The following SNX29 variants were observed in gnomAD, a reference collection of about 807,000 sequenced individuals.
SNX29 encodes sorting nexin 29, also known as sorting nexin-29.
A neutral mutation model predicts 102.1 loss-of-function variants in SNX29; 78 were observed. The observed-to-expected ratio is 0.76, with a 90% confidence interval of 0.64 to 0.92. SNX29 has a LOEUF of 0.92. SNX29 is among the 40% of genes least tolerant of loss of function. The pLI is 0.00. For synonymous variants in SNX29, 580 were observed against 414.5 expected, an observed-to-expected ratio of 1.40 and a Z score of -4.85; for missense variants, 1,280 against 1,061.7, an observed-to-expected ratio of 1.21 and a Z score of -2.86.
intron 20 of SNX29, among the ~76,000 whole-genome samples, chr16:12,567,453 A>G (rs780821813): frequency 8.5e-5 from 13 of 152,178 alleles, no homozygotes; most frequent in African/African-American, 1.7e-4. Flanking sequence ...CCCAGAATTT[A>G]TGTGTCCCCT....
At chr16:12,206,701 C>G (rs1019334500) in intron 14 of SNX29, among the ~76,000 whole-genome samples, 19 of 152,028 alleles carry the variant, frequency 1.2e-4, no homozygotes, top group African/African-American at 4.4e-4. Flanking sequence ...TCTCTTCACC[C>G]CACAGAGCAA....
At chr16:12,497,302 C>T (rs374706601) in intron 19 of SNX29, among the ~76,000 whole-genome samples, 7 of 152,222 alleles carry the variant, frequency 4.6e-5, no homozygotes, top group Non-Finnish European at 8.8e-5. Flanking sequence ...TATTGAATAT[C>T]TATCATACAC....
At chr16:12,170,764 GGAGTGT>G (rs1373577032) in intron 13 of SNX29, among the ~76,000 whole-genome samples, 2 of 117,410 alleles carry the variant, frequency 1.7e-5, no homozygotes, top group South Asian at 2.4e-4. Flanking sequence ...GTGTGTGAGA[GGAGTGT>G]GAGTGTGTGT....
intron 19 of SNX29, among the ~76,000 whole-genome samples, chr16:12,513,686 A>G (rs2089736864): frequency 6.6e-6 from 1 of 152,212 alleles, no homozygotes. Flanking sequence ...AAGTCCCAGT[A>G]TAAAGATTAG....
At chr16:12,088,579 A>T (rs2052334529) in intron 11 of SNX29, among the ~76,000 whole-genome samples, 1 of 152,200 alleles carries the variant, frequency 6.6e-6, no homozygotes, top group African/African-American at 2.4e-5. Context: ...TTCTTTTTGA[A>T]GAAAAAAGAG....
chr16:12,398,429 C>A lies in SNX29; in HGVS notation c.1900-17C>A. ...TTATGCATTTTTTCTCCCCTCTCCC[C>A]CTTCTCCTGATGGTAGGTGCCTGGA... On this transcript the variant is annotated splice_polypyrimidine_tract_variant and intron_variant, in intron 16 of 20. Coordinates refer to ENST00000566228, the MANE Select transcript of SNX29 (RefSeq NM_032167.5). 6.2e-7 allele frequency: 1 copy of A among 1,613,896 alleles called. No individual in the cohort carries two copies. Among genetic ancestry groups the A allele is most frequent in the Non-Finnish European group, 8.5e-7 (1 of 1,179,772 alleles).
chr16:12,160,504 T>C (rs1192698338), intron 13 of SNX29, among the ~76,000 whole-genome samples: 1 of 152,206 alleles, frequency 6.6e-6, no homozygotes, highest in African/African-American at 2.4e-5. Flanking sequence ...ACATCTAGGA[T>C]AAGCAAATTT....
intron 14 of SNX29, among the ~76,000 whole-genome samples, chr16:12,217,768 G>T (rs2077364241): frequency 6.6e-6 from 1 of 152,166 alleles, no homozygotes; most frequent in Non-Finnish European, 1.5e-5. Flanking sequence ...CATTCAACTG[G>T]AATTCAGACC....
chr16:12,527,917 C>T (rs1207218794), intron 20 of SNX29, among the ~76,000 whole-genome samples: 1 of 151,284 alleles, frequency 6.6e-6, no homozygotes, highest in Non-Finnish European at 1.5e-5. Context: ...CTCTGCCTCC[C>T]AGGTTCACGC....
intron 11 of SNX29, among the ~76,000 whole-genome samples, chr16:12,123,046 T>G (rs1472243546): frequency 6.6e-6 from 1 of 152,106 alleles, no homozygotes; most frequent in Non-Finnish European, 1.5e-5. Flanking sequence ...AGGCTGGTCT[T>G]GAACTCCTGA....
At chr16:12,047,601 C>G (rs149706599) in intron 6 of SNX29, among the ~76,000 whole-genome samples, 1 of 149,350 alleles carries the variant, frequency 6.7e-6, no homozygotes, top group East Asian at 2.0e-4. Context: ...CCCCATCTTA[C>G]AGATAAGGTG....
Position 12,345,761 on chromosome 16 carries a change from C to T in SNX29, c.1783-10402C>T, listed in dbSNP as rs954933543. Among the ~76,000 whole-genome samples, 5 of 152,186 alleles carry T rather than the reference C, an allele frequency of 3.3e-5. No homozygotes were observed. In the East Asian group the frequency reaches 9.6e-4, roughly 29 times the overall value. ...GAAGGTGGGGGTGCAGCCGTATTCTCGTTCCATCCATGTCGGTCCTTCTCT... is the reference window on the plus strand; with the variant it reads ...GAAGGTGGGGGTGCAGCCGTATTCTTGTTCCATCCATGTCGGTCCTTCTCT... On this transcript the variant is annotated intron_variant, in intron 15 of 20. Transcript: ENST00000566228.
intron 9 of SNX29, among the ~76,000 whole-genome samples, chr16:12,064,681 G>T (rs1055472518): frequency 2.0e-5 from 3 of 152,230 alleles, no homozygotes; most frequent in South Asian, 2.1e-4. Context: ...TGATTGGGAC[G>T]CCAGGTTGCA....
intron 14 of SNX29, among the ~76,000 whole-genome samples, chr16:12,263,132 CTTT>C (rs541154463): frequency 5.1e-5 from 7 of 138,312 alleles, no homozygotes; most frequent in Non-Finnish European, 7.9e-5. Context: ...TGTTGTCCAC[CTTT>C]TTTTTTTTTT....
rs575357539 is a variant in SNX29 at position 12,340,508 on chromosome 16, T to C, written c.1783-15655T>C. ...GGATGGATGGATGTGGGAGACAGAA[T>C]GGGAAGAGCATGGTTTTGCATTGAA... On this transcript the variant is annotated intron_variant, in intron 15 of 20. Transcript: ENST00000566228. 2.0e-5 allele frequency among the ~76,000 whole-genome samples: 3 copies of C among 152,308 alleles called. No homozygotes were observed. The South Asian group carries it at 6.2e-4, about 32-fold the overall frequency.
chr16:12,511,601 G>C (rs1032256773), intron 19 of SNX29, among the ~76,000 whole-genome samples: 1 of 152,158 alleles, frequency 6.6e-6, no homozygotes, highest in African/African-American at 2.4e-5. Flanking sequence ...TTGCAGTGAA[G>C]TTTTGATTTA....
At chr16:12,429,656 C>G (rs1158717023) in intron 18 of SNX29, among the ~76,000 whole-genome samples, 1 of 152,226 alleles carries the variant, frequency 6.6e-6, no homozygotes. Context: ...GCACAGTGTT[C>G]CACCATCACG....
chr16:12,501,613 T>G (rs2089126685), intron 19 of SNX29, among the ~76,000 whole-genome samples: 1 of 150,604 alleles, frequency 6.6e-6, no homozygotes, highest in Admixed American at 6.7e-5. Flanking sequence ...TCCCAGCTAC[T>G]TGGGAGGCTG....
intron 14 of SNX29, among the ~76,000 whole-genome samples, chr16:12,212,104 G>A (rs573412788): frequency 6.6e-6 from 1 of 152,282 alleles, no homozygotes; most frequent in African/African-American, 2.4e-5. Context: ...CCTGGGCCTC[G>A]GTGGTGGTGT....
Sources: allele counts gnomAD v4.1 joint callset (sites outside exome capture counted in the v4.1 genomes callset), GRCh38; gene constraint gnomAD v4.1.1; transcripts MANE v1.5; gene names NCBI Gene and HGNC (gene_info 2026-07-23, HGNC 2026-07-21).